The following PTCHD4 variants were observed in gnomAD, a reference collection of about 807,000 sequenced individuals.
PTCHD4 encodes patched domain-containing protein 4.
A neutral mutation model predicts 58.1 loss-of-function variants in PTCHD4; 33 were observed. The observed-to-expected ratio is 0.57, with a 90% CI of 0.43 to 0.76. The LOEUF is 0.76. Among genes scored for constraint, PTCHD4 ranks in the 30% least tolerant of loss-of-function variants. The pLI is 0.00. For missense variants in PTCHD4, 1,058 were observed against 1,027.1 expected (o/e 1.03, Z -0.41); for synonymous variants, 478 against 409.6 (o/e 1.17, Z -2.02).
chr6:48,070,708 T>A (rs1425758127), intron 1 of PTCHD4, among the ~76,000 whole-genome samples: 1 of 152,184 alleles, frequency 6.6e-6, no homozygotes, highest in Admixed American at 6.5e-5. Context: ...TTGTATTCAG[T>A]CAAACTCAAT....
In PTCHD4 at chr6:47,859,738, T is replaced by C. The variant is rs1460249249; in HGVS notation, c.*18565A>G. Among the ~76,000 whole-genome samples the C allele has an allele frequency of 6.6e-6, 1 of 151,988 alleles. No homozygotes were observed. The highest frequency in any genetic ancestry group is 1.5e-5 in the Non-Finnish European group (1 of 67,962). On this transcript the variant is annotated 3_prime_UTR_variant, in exon 5 of 5. Transcript: ENST00000339488. ...ATGAAAGAAGGGAGGAGATTTACTA[T>C]ATTTTCATGAGATTGTCAGGAAAGG...
intron 3 of PTCHD4, among the ~76,000 whole-genome samples, chr6:48,029,884 C>T (rs1237837671): frequency 2.0e-5 from 3 of 152,014 alleles, no homozygotes; most frequent in Non-Finnish European, 4.4e-5. Flanking sequence ...TACAATGTCC[C>T]TTGAAAAGCC....
intron 4 of PTCHD4, among the ~76,000 whole-genome samples, chr6:47,966,311 T>C (rs1451089478): frequency 1.3e-5 from 2 of 152,048 alleles, no homozygotes; most frequent in Non-Finnish European, 2.9e-5. Flanking sequence ...ATATTAAGTA[T>C]GCAATAGCAT....
At chr6:48,053,823 GA>G (rs1291686440) in intron 3 of PTCHD4, among the ~76,000 whole-genome samples, 2 of 152,056 alleles carry the variant, frequency 1.3e-5, no homozygotes, top group Non-Finnish European at 2.9e-5. Context: ...TTTAGCTACA[GA>G]GCTCCCATGG....
rs190190614 is a variant in PTCHD4, at chr6:47,965,870, C to T, written c.898+42764G>A. Among the ~76,000 whole-genome samples, 31 of 152,032 alleles carry T rather than the reference C, an allele frequency of 2.0e-4. No individual in the cohort carries two copies. The Middle Eastern group carries it at 0.017, about 83-fold the overall frequency. On this transcript the variant is annotated intron_variant, in intron 4 of 4. Coordinates refer to ENST00000339488, the MANE Select transcript of PTCHD4 (RefSeq NM_001384253.1). ...GCGGGGCTTGCAGTGAGCTGAGATC[C>T]GGCCACTGCACTCCAGCCTGGGTGA...
chr6:48,058,284 T>A (rs1055048163), intron 3 of PTCHD4, among the ~76,000 whole-genome samples: 1 of 152,250 alleles, frequency 6.6e-6, no homozygotes. Context: ...GTCTGAAAAT[T>A]TGCATTTCTA....
intron 4 of PTCHD4, among the ~76,000 whole-genome samples, chr6:47,983,623 T>C (rs1767964015): frequency 6.6e-6 from 1 of 152,170 alleles, no homozygotes; most frequent in African/African-American, 2.4e-5. Flanking sequence ...GATAAAATGA[T>C]GGTAAATGCC....
intron 4 of PTCHD4, among the ~76,000 whole-genome samples, chr6:48,006,814 CT>C (rs1361915231): frequency 2.6e-5 from 4 of 152,176 alleles, no homozygotes; most frequent in Admixed American, 6.5e-5. Context: ...AATAGTAAAA[CT>C]TGCTGATATT....
chr6:47,887,569 G>T (rs1460430573), intron 4 of PTCHD4, among the ~76,000 whole-genome samples: 1 of 152,090 alleles, frequency 6.6e-6, no homozygotes. Context: ...CATTAATTTG[G>T]CTGGTTCAGG....
chr6:47,915,915 A>G (rs890363511), intron 4 of PTCHD4, among the ~76,000 whole-genome samples: 1 of 152,116 alleles, frequency 6.6e-6, no homozygotes, highest in African/African-American at 2.4e-5. Flanking sequence ...CTGGGTGGTG[A>G]TACTGTAAGA....
At chr6:48,048,792 G>C (rs1248301119) in intron 3 of PTCHD4, among the ~76,000 whole-genome samples, 1 of 152,002 alleles carries the variant, frequency 6.6e-6, no homozygotes, top group Non-Finnish European at 1.5e-5. Flanking sequence ...AATCTAAATA[G>C]GACTACAACT....
At chr6:47,991,247 C>A (rs556613226) in intron 4 of PTCHD4, among the ~76,000 whole-genome samples, 1 of 151,842 alleles carries the variant, frequency 6.6e-6, no homozygotes, top group African/African-American at 2.4e-5. Flanking sequence ...TATATCACAG[C>A]GAAACTGCAG....
At chr6:48,037,473 C>A (rs1252283711) in intron 3 of PTCHD4, among the ~76,000 whole-genome samples, 2 of 152,068 alleles carry the variant, frequency 1.3e-5, no homozygotes, top group African/African-American at 4.8e-5. Flanking sequence ...CTCTAGAAGC[C>A]AAGGTTCCCT....
chr6:47,891,569 C>T (rs754160414), intron 4 of PTCHD4, among the ~76,000 whole-genome samples: 2 of 152,182 alleles, frequency 1.3e-5, no homozygotes, highest in Non-Finnish European at 2.9e-5. Flanking sequence ...AGTATTTTCT[C>T]CATCTAGGTA....
At chr6:48,070,242 G>C (rs571399150) in intron 1 of PTCHD4, among the ~76,000 whole-genome samples, 102 of 151,714 alleles carry the variant, frequency 6.7e-4, no homozygotes, top group African/African-American at 2.4e-3. Flanking sequence ...GTTCTTTTTG[G>C]AATGACTTCA....
chr6:47,962,855 A>G (rs1356058143), intron 4 of PTCHD4, among the ~76,000 whole-genome samples: 2 of 152,094 alleles, frequency 1.3e-5, no homozygotes, highest in African/African-American at 2.4e-5. Context: ...AAGGTAACAA[A>G]TAACCTGACT....
intron 4 of PTCHD4, among the ~76,000 whole-genome samples, chr6:47,997,292 C>T (rs1417942803): frequency 1.3e-5 from 2 of 151,784 alleles, no homozygotes; most frequent in African/African-American, 2.4e-5. Context: ...CTAATTTTGT[C>T]CCCATTTATT....
At position 48,040,890 on chromosome 6, in the gene PTCHD4, C is replaced by T. The variant is rs145153085; in HGVS notation, c.417+27340G>A. ...TGCCTCAGTGCAGCACCTACAAAGACGTAAAATCTCATTTTGGTGAAGCAT... is the reference window on the plus strand; with the variant it reads ...TGCCTCAGTGCAGCACCTACAAAGATGTAAAATCTCATTTTGGTGAAGCAT... On this transcript the variant is annotated intron_variant, in intron 3 of 4. Transcript: ENST00000339488. Among the ~76,000 whole-genome samples the T allele has an allele frequency of 1.3e-3, 202 of 152,070 alleles. 1 individual carries two copies. Among genetic ancestry groups the T allele is most frequent in the Middle Eastern group, 6.8e-3 (2 of 294 alleles).
At chr6:47,954,867 T>C (rs542350562) in intron 4 of PTCHD4, among the ~76,000 whole-genome samples, 162 of 152,158 alleles carry the variant, frequency 1.1e-3, no homozygotes, top group Non-Finnish European at 2.1e-3. Context: ...GTATGTGATT[T>C]TGAGACTAGG....
Sources: allele counts gnomAD v4.1 joint callset (sites outside exome capture counted in the v4.1 genomes callset), GRCh38; gene constraint gnomAD v4.1.1; transcripts MANE v1.5; gene names NCBI Gene and HGNC (gene_info 2026-07-23, HGNC 2026-07-21).